The following FAM178B variants were observed in gnomAD, a reference collection of about 807,000 sequenced individuals.
FAM178B encodes family with sequence similarity 178 member B.
In FAM178B, 82 loss-of-function variants were observed where a neutral mutation model predicts 91.7. The observed-to-expected ratio is 0.89, with a 90% CI of 0.75 to 1.07. The LOEUF is 1.07. Among genes scored for constraint, FAM178B ranks in the 50% least tolerant of loss-of-function variants. The pLI, the probability that FAM178B is intolerant of heterozygous loss-of-function variation, is 0.00. For synonymous variants in FAM178B, 368 were observed against 359.4 expected, an observed-to-expected ratio of 1.02 and a Z score of -0.27; for missense variants, 769 against 846.7, an observed-to-expected ratio of 0.91 and a Z score of 1.14.
At chr2:96,954,133 G>A (rs1477243207) in intron 6 of FAM178B, among the ~76,000 whole-genome samples, 2 of 152,204 alleles carry the variant, frequency 1.3e-5, no homozygotes, top group African/African-American at 4.8e-5. Flanking sequence ...GGGCCCTGGA[G>A]GGAGAGACAG....
At chr2:96,947,487 C>T (rs2081849338) in intron 8 of FAM178B, among the ~76,000 whole-genome samples, 1 of 152,172 alleles carries the variant, frequency 6.6e-6, no homozygotes, top group African/African-American at 2.4e-5. Flanking sequence ...TCAGGAAGGA[C>T]TTGGGGGTGA....
At chr2:96,959,605 C>T (rs1431117236) in intron 6 of FAM178B, among the ~76,000 whole-genome samples, 1 of 152,192 alleles carries the variant, frequency 6.6e-6, no homozygotes, top group Non-Finnish European at 1.5e-5. Context: ...CCCTGGCCTC[C>T]AGCCCCACAG....
chr2:96,924,982 T>G (rs1213454385), intron 9 of FAM178B, among the ~76,000 whole-genome samples: 1 of 151,892 alleles, frequency 6.6e-6, no homozygotes, highest in Non-Finnish European at 1.5e-5. Flanking sequence ...CCAAACTTGG[T>G]GGGGGAGTGG....
At chr2:96,890,397 G>A (rs897075903) in intron 14 of FAM178B, among the ~76,000 whole-genome samples, 2 of 152,194 alleles carry the variant, frequency 1.3e-5, no homozygotes, top group Admixed American at 1.3e-4. Flanking sequence ...CTGAGAAGGC[G>A]AGGCTGCAGT....
chr2:96,894,155 G>C, intron 13 of FAM178B, 104 bp from the exon 14 acceptor site: 1 of 1,371,410 alleles, frequency 7.3e-7, no homozygotes, highest in Non-Finnish European at 9.9e-7. Flanking sequence ...CAGTGTGTTA[G>C]GGCACTGGCT....
intron 6 of FAM178B, among the ~76,000 whole-genome samples, chr2:96,955,920 C>A (rs896665000): frequency 6.6e-6 from 1 of 152,200 alleles, no homozygotes; most frequent in Non-Finnish European, 1.5e-5. Context: ...GCCGGGCCTC[C>A]GGGAGAAGCT....
At chr2:96,952,222 C>T (rs1256122800) in intron 6 of FAM178B, among the ~76,000 whole-genome samples, 1 of 152,178 alleles carries the variant, frequency 6.6e-6, no homozygotes, top group South Asian at 2.1e-4. Context: ...TTACACAGGG[C>T]GTTTCTGCTC....
chr2:96,932,982 C>T (rs13032005), intron 8 of FAM178B, among the ~76,000 whole-genome samples: 22,575 of 145,766 alleles, frequency 0.15, 2,317 homozygotes, highest in Middle Eastern at 0.33. Context: ...TGGTGGCTCA[C>T]GCCTGCAATC....
chr2:96,905,818 GTATATATATATATATATATATATATATA>G (rs1226987241), intron 12 of FAM178B, among the ~76,000 whole-genome samples: 1 of 34,198 alleles, frequency 2.9e-5, no homozygotes, highest in African/African-American at 9.8e-5. Context: ...ATATATGTGT[GTATATATATATATATATATATATATATA>G]TATATATATA....
chr2:96,929,851 C>T (rs935582609), intron 8 of FAM178B, among the ~76,000 whole-genome samples: 1 of 152,240 alleles, frequency 6.6e-6, no homozygotes, highest in East Asian at 1.9e-4. Flanking sequence ...TGGGGCGTGT[C>T]TCCTAAGCAA....
chr2:96,895,263 C>T (rs769453846), intron 13 of FAM178B: 24 of 436,800 alleles, frequency 5.5e-5, no homozygotes, highest in Admixed American at 1.1e-4. Context: ...ACAGAATCAA[C>T]GAGACTTCCT....
intron 12 of FAM178B, among the ~76,000 whole-genome samples, chr2:96,908,442 G>A (rs924783906): frequency 6.6e-6 from 1 of 152,214 alleles, no homozygotes. Context: ...GCTCACACCT[G>A]TAATCCCAGC....
In FAM178B at chr2:96,876,004, A is replaced by AG; in HGVS notation, c.*271dup. Reference sequence around the variant, plus strand: ...CCAGAGCTATGGAGACAGAGGCCTTAGGGAAGAGGAGATGGCTGGGAGGAG... The same window carrying AG: ...CCAGAGCTATGGAGACAGAGGCCTTAGGGGAAGAGGAGATGGCTGGGAGGAG... On this transcript the variant is annotated 3_prime_UTR_variant, in exon 17 of 17. Coordinates refer to ENST00000490605, the MANE Select transcript of FAM178B (RefSeq NM_001122646.3). 4 of 516,382 alleles carry AG rather than the reference A, an allele frequency of 7.7e-6. No individual in the cohort carries two copies. Among genetic ancestry groups the AG allele is most frequent in the Non-Finnish European group, 1.4e-5 (4 of 286,982 alleles). 32.0% of individuals were successfully genotyped at this position (516,382 alleles called of 1,614,324 possible).
chr2:96,923,946 GAA>G (rs1201833511), intron 9 of FAM178B, among the ~76,000 whole-genome samples: 1 of 152,264 alleles, frequency 6.6e-6, no homozygotes. Context: ...AGCCAGTGGT[GAA>G]AGAGAGAGGG....
chr2:96,923,374 C>G (rs2081378406), intron 10 of FAM178B, 116 bp downstream of exon 10: 1 of 783,808 alleles, frequency 1.3e-6, no homozygotes, highest in Non-Finnish European at 2.2e-6. Flanking sequence ...AGCACAGTGC[C>G]TGCCATGGTG....
chr2:96,888,194 G>A (rs1482913341), intron 14 of FAM178B, among the ~76,000 whole-genome samples: 1 of 152,236 alleles, frequency 6.6e-6, no homozygotes, highest in East Asian at 1.9e-4. Flanking sequence ...GATGTCTGAT[G>A]TTCTGTACTT....
intron 12 of FAM178B, among the ~76,000 whole-genome samples, chr2:96,904,807 G>A (rs965951122): frequency 3.9e-5 from 6 of 152,014 alleles, no homozygotes; most frequent in Non-Finnish European, 8.8e-5. Context: ...GAGCCTAGGA[G>A]TTTGTGGCTA....
At chr2:96,896,398 C>T (rs761061801) in intron 13 of FAM178B, among the ~76,000 whole-genome samples, 1 of 152,196 alleles carries the variant, frequency 6.6e-6, no homozygotes, top group African/African-American at 2.4e-5. Flanking sequence ...GCCTCTCCCC[C>T]ACACACAAAC....
chr2:96,909,657 CAA>C (rs2081118263), intron 12 of FAM178B, among the ~76,000 whole-genome samples: 1 of 152,146 alleles, frequency 6.6e-6, no homozygotes, highest in Non-Finnish European at 1.5e-5. Flanking sequence ...AGATTGAGCC[CAA>C]AGTCTTTTTT....
Sources: allele counts gnomAD v4.1 joint callset (sites outside exome capture counted in the v4.1 genomes callset), GRCh38; gene constraint gnomAD v4.1.1; transcripts MANE v1.5; gene names NCBI Gene and HGNC (gene_info 2026-07-23, HGNC 2026-07-21).